The following PSTK variants were observed in gnomAD, a reference collection of about 807,000 sequenced individuals.
PSTK encodes the protein phosphoseryl-tRNA kinase.
PSTK carries 26 observed loss-of-function variants against 38.6 expected under a neutral mutation model. That is an observed-to-expected ratio of 0.67 (90% confidence interval 0.49 to 0.94). The LOEUF is 0.94. Ranked by LOEUF, PSTK falls within the 40% of genes least tolerant of loss-of-function variation. The pLI, the probability that PSTK is intolerant of heterozygous loss-of-function variation, is 0.00. For synonymous variants in PSTK, 181 were observed against 161.7 expected (o/e 1.12, Z -0.91); for missense variants, 445 against 436.3 (o/e 1.02, Z -0.18).
chr10:122,980,436 A>G lies in PSTK; in HGVS notation c.-44A>G. On this transcript the variant is annotated 5_prime_UTR_variant, in exon 1 of 6. Coordinates refer to ENST00000406217, the MANE Select transcript of PSTK (RefSeq NM_001363531.2). This position sits in a 1 kb window ranked among gnomAD's most constrained non-coding sequence, Gnocchi z 4.3. The stretch of plus-strand genomic sequence containing the variant: ...CGCGTGCGCGCAGGGCAGACGGTAG[A>G]GCGGAGACGACGCTCCCAGACTCCT... The G allele has an allele frequency of 6.6e-7, 1 of 1,525,378 alleles. No homozygotes were observed. Among genetic ancestry groups the G allele is most frequent in the Non-Finnish European group, 8.8e-7 (1 of 1,136,588 alleles). The allele number at this position is 1,525,378 out of a possible 1,614,324, so 94.5% of individuals were successfully genotyped here. A position where few individuals can be genotyped will look rare whatever the true frequency, so the allele number is the denominator to read the frequency against.
In PSTK at chr10:122,986,869, G is replaced by T; in HGVS notation, c.784G>T (p.Asp262Tyr). 6.4e-7 allele frequency: 1 copy of T among 1,568,328 alleles called. No individual in the cohort carries two copies. The highest frequency in any genetic ancestry group is 1.1e-5 in the South Asian group (1 of 89,750). ...AATAACAATGTCTGTATTAACATAG[G>T]ACACAGACAGAATTATTTGTTCAAC... ...KYAEDNMEQKDTDRIICSTNI... is the reference protein window; with the variant it reads ...KYAEDNMEQKYTDRIICSTNI... Residue 262 changes from aspartate to tyrosine, a missense_variant and splice_region_variant, in exon 5 of 6, where the codon GAC becomes TAC. Asp to Tyr is a radical substitution (Grantham distance 160, BLOSUM62 -3). Transcript: ENST00000406217.
At chr10:122,984,541 T>C (rs995779959) in intron 3 of PSTK, 2 of 152,502 alleles carry the variant, frequency 1.3e-5, no homozygotes, top group African/African-American at 2.4e-5. Context: ...AAATATTTGC[T>C]ATGCTTTACC....
intron 3 of PSTK, chr10:122,985,191 C>A (rs1262095031): frequency 6.6e-6 from 1 of 152,506 alleles, no homozygotes; most frequent in South Asian, 2.1e-4. Flanking sequence ...TTCAGCCTTT[C>A]TCTTGCACGA....
In PSTK at chr10:122,990,262, A is replaced by C. The variant is rs761913754; in HGVS notation, c.966A>C (p.Gly322=). The C allele has an allele frequency of 6.5e-7, 1 of 1,541,840 alleles. No homozygotes were observed. Among genetic ancestry groups the C allele is most frequent in the Non-Finnish European group, 8.7e-7 (1 of 1,144,418 alleles). The change falls in exon 6 of 6, where the codon GGA becomes GGC. Residue 322 remains glycine, a synonymous_variant. Coordinates refer to ENST00000406217, the MANE Select transcript of PSTK (RefSeq NM_001363531.2). ...KAEFLEDLKQ[G]NKKYLCFQQT... Reference sequence around the variant, plus strand: ...AGTTTTTGGAAGACCTAAAACAAGGAAACAAAAAATATCTGTGCTTTCAGC... The same window carrying C: ...AGTTTTTGGAAGACCTAAAACAAGGCAACAAAAAATATCTGTGCTTTCAGC...
Position 122,983,273 on chromosome 10 carries a change from T to A in PSTK, c.510T>A (p.Tyr170Ter). Residue 170 changes from tyrosine to a stop codon, truncating the protein, a stop_gained and splice_region_variant, in exon 3 of 6, where the codon TAT becomes TAA. Coordinates refer to ENST00000406217, the MANE Select transcript of PSTK (RefSeq NM_001363531.2). LOFTEE classifies it high-confidence loss of function. ...RYEVYQLARK[Y>*]SLGFCQLFLD... is the part of the protein sequence containing the mutation. ...TCTATCATTTTAAACTGTTTTCAGATTCGTTGGGCTTTTGCCAGCTCTTTT... is the reference window on the plus strand; with the variant it reads ...TCTATCATTTTAAACTGTTTTCAGAATCGTTGGGCTTTTGCCAGCTCTTTT... 1 of 1,604,132 alleles carries A rather than the reference T, an allele frequency of 6.2e-7. No individual in the cohort carries two copies. The highest frequency in any genetic ancestry group is 8.5e-7 in the Non-Finnish European group (1 of 1,176,234).
Position 122,982,982 on chromosome 10 carries a change from T to C in PSTK, c.466T>C (p.Tyr156His), listed in dbSNP as rs1048267532. The stretch of plus-strand genomic sequence containing the variant: ...TTTGGTTTTGGATGACAATTTTTAT[T>C]ATCAGAGTATGAGATATGAAGTCTA... ...LFLVLDDNFY[Y>H]QSMRYEVYQL... The change falls in exon 2 of 6, where the codon TAT becomes CAT. Residue 156 changes from tyrosine (Y) to histidine (H), a missense_variant. Tyr to His is a moderately conservative substitution (Grantham distance 83). Coordinates refer to ENST00000406217, the MANE Select transcript of PSTK (RefSeq NM_001363531.2). 6.2e-7 allele frequency: 1 copy of C among 1,614,204 alleles called. No homozygotes were observed. The highest frequency in any genetic ancestry group is 8.5e-7 in the Non-Finnish European group (1 of 1,180,028).
Position 122,986,352 on chromosome 10 carries a change from G to C in PSTK, c.760G>C (p.Ala254Pro). Residue 254 changes from alanine (A) to proline (P), a missense_variant, in exon 4 of 6, where the codon GCT (alanine) becomes CCT (proline). Transcript: ENST00000406217. ...LTALENPVKY[A>P]EDNMEQKDTD... is the part of the protein sequence containing the mutation. ...TGCTTTGGAAAATCCAGTAAAATAT[G>C]CTGAGGACAATATGGAACAAAAGGT... 2.5e-6 allele frequency: 4 copies of C among 1,611,228 alleles called. No homozygotes were observed. Among genetic ancestry groups the C allele is most frequent in the Non-Finnish European group, 3.4e-6 (4 of 1,177,548 alleles).
At chr10:122,983,869 A>G (rs1848999925) in intron 3 of PSTK, 3 of 184,498 alleles carry the variant, frequency 1.6e-5, no homozygotes, top group East Asian at 1.5e-4. Context: ...CTGCTTTTGC[A>G]TATGTGAGGC....
At chr10:122,986,528 C>T in intron 4 of PSTK, 153 bp downstream of exon 4, 1 of 646,210 alleles carries the variant, frequency 1.5e-6, no homozygotes, top group Admixed American at 2.7e-5. Flanking sequence ...CTCATGCCGG[C>T]TGGGCAAAGC....
intron 1 of PSTK, chr10:122,982,516 T>C (rs1258282475): frequency 2.0e-5 from 11 of 553,668 alleles, no homozygotes; most frequent in Non-Finnish European, 3.5e-5. Context: ...TTCTGCATGG[T>C]TGAGTCTGAG....
intron 5 of PSTK, among the ~76,000 whole-genome samples, chr10:122,989,944 A>G (rs997667455): frequency 1.1e-4 from 17 of 152,238 alleles, no homozygotes; most frequent in African/African-American, 4.1e-4. Context: ...CTTTCAGGTT[A>G]GTCTTTTCTG....
intron 3 of PSTK, chr10:122,984,117 C>G (rs1330031231): frequency 1.3e-5 from 2 of 152,694 alleles, no homozygotes; most frequent in African/African-American, 4.8e-5. Context: ...TGGCCAGTGG[C>G]TATTTATTGG....
At chr10:122,987,448 A>T in intron 5 of PSTK, 1 of 1,614,168 alleles carries the variant, frequency 6.2e-7, no homozygotes. Flanking sequence ...AGAAGCGCAA[A>T]GGTTGGCTGG....
At chr10:122,983,056 A>T (rs1459074855) in intron 2 of PSTK, 32 bp downstream of exon 2, 7 of 1,563,916 alleles carry the variant, frequency 4.5e-6, no homozygotes, top group South Asian at 1.2e-5. Context: ...TTACACATGG[A>T]GATACTTATT....
chr10:122,990,311 ATTTC>A lies in PSTK; in HGVS notation c.1019_1022del (p.Ser340PhefsTer?). 6.6e-7 allele frequency: 1 copy of A among 1,522,724 alleles called. No homozygotes were observed. The allele number at this position is 1,522,724 out of a possible 1,614,324, so 94.3% of individuals were successfully genotyped here. A position where few individuals can be genotyped will look rare whatever the true frequency, so the allele number is the denominator to read the frequency against. ...GCAAACCATTGACATACCAGATGTC[ATTTC>A]TTTTTTTCATTATGAGAAAGATAAT... On this transcript the variant is annotated frameshift_variant, in exon 6 of 6. Transcript: ENST00000406217. LOFTEE classifies it high-confidence loss of function.
intron 5 of PSTK, among the ~76,000 whole-genome samples, chr10:122,989,236 TA>T (rs1438753380): frequency 6.6e-6 from 1 of 151,800 alleles, no homozygotes; most frequent in Non-Finnish European, 1.5e-5. Context: ...GGATGATAGC[TA>T]AAGGATATGG....
At position 122,990,265 on chromosome 10, in the gene PSTK, C is replaced by A. The variant is rs1439924789; in HGVS notation, c.969C>A (p.Asn323Lys). Residue 323 changes from asparagine to lysine, a missense_variant, in exon 6 of 6, where the codon AAC becomes AAA. Asn to Lys is a moderately conservative substitution (Grantham distance 94). Coordinates refer to ENST00000406217, the MANE Select transcript of PSTK (RefSeq NM_001363531.2). Reference sequence around the variant, plus strand: ...TTTTGGAAGACCTAAAACAAGGAAACAAAAAATATCTGTGCTTTCAGCAAA... The same window carrying A: ...TTTTGGAAGACCTAAAACAAGGAAAAAAAAAATATCTGTGCTTTCAGCAAA... ...AEFLEDLKQG[N>K]KKYLCFQQTI... The A allele has an allele frequency of 6.5e-7, 1 of 1,538,704 alleles. No individual in the cohort carries two copies. Among genetic ancestry groups the A allele is most frequent in the Admixed American group, 2.1e-5 (1 of 48,232 alleles).
chr10:122,989,626 CTG>C (rs955863443), intron 5 of PSTK, among the ~76,000 whole-genome samples: 45 of 152,256 alleles, frequency 3.0e-4, no homozygotes, highest in African/African-American at 9.9e-4. Context: ...AAAAAAAACA[CTG>C]TATCATACAG....
In PSTK at chr10:122,982,719, T is replaced by C. The variant is rs1328463569; in HGVS notation, c.217-14T>C. ...GTGGCCTAATATGAATTGCAATTCT[T>C]TGGTCTCTTGTAGCCATCCCAATGG... On this transcript the variant is annotated splice_polypyrimidine_tract_variant and intron_variant, in intron 1 of 5. Transcript: ENST00000406217. 6.2e-7 allele frequency: 1 copy of C among 1,611,650 alleles called. No individual in the cohort carries two copies.
Sources: allele counts gnomAD v4.1 joint callset (sites outside exome capture counted in the v4.1 genomes callset), GRCh38; gene constraint gnomAD v4.1.1; non-coding constraint Gnocchi (gnomAD v3.1); transcripts MANE v1.5; gene names NCBI Gene and HGNC (gene_info 2026-07-23, HGNC 2026-07-21).